ATRNL1: variants seen among roughly 807,000 people sequenced by gnomAD.
The protein encoded by ATRNL1 is attractin like 1.
Under a neutral mutation model 182.7 loss-of-function variants are expected in ATRNL1, and 95 were observed. That is an observed-to-expected ratio of 0.52 (90% CI 0.44 to 0.62). ATRNL1 has a LOEUF of 0.62. Among genes scored for constraint, ATRNL1 ranks in the 20% least tolerant of loss-of-function variants. ATRNL1 has a pLI of 0.00. For missense variants in ATRNL1, 1,471 were observed against 1,679.5 expected (o/e 0.88, Z 2.17); for synonymous variants, 576 against 568.3 (o/e 1.01, Z -0.19).
chr10:115,117,271 G>A (rs781963572), intron 1 of ATRNL1, among the ~76,000 whole-genome samples: 5 of 151,848 alleles, frequency 3.3e-5, no homozygotes, highest in Non-Finnish European at 5.9e-5. Context: ...TCACCCTGTT[G>A]TGCTTTCAAA....
At chr10:115,476,637 C>G (rs1247086373) in intron 24 of ATRNL1, among the ~76,000 whole-genome samples, 2 of 150,932 alleles carry the variant, frequency 1.3e-5, no homozygotes, top group Non-Finnish European at 3.0e-5. Context: ...TCTTTTTTGT[C>G]TTTATTAAAT....
intron 28 of ATRNL1, among the ~76,000 whole-genome samples, chr10:115,936,889 C>G (rs1210144285): frequency 5.3e-5 from 8 of 151,886 alleles, no homozygotes; most frequent in Non-Finnish European, 1.2e-4. Context: ...CATTTGAGTT[C>G]CAAATTTACT....
At position 115,728,155 on chromosome 10, in the gene ATRNL1, C is replaced by T. The variant is rs530695943; in HGVS notation, c.3903+800C>T. Among the ~76,000 whole-genome samples, 122 of 142,752 alleles carry T rather than the reference C, an allele frequency of 8.5e-4. 1 individual carries two copies. The highest frequency in any genetic ancestry group is 2.9e-3 in the African/African-American group (113 of 38,892). 93.7% of individuals were successfully genotyped at this position (142,752 alleles called of 152,430 possible). On this transcript the variant is annotated intron_variant, in intron 27 of 28. Coordinates refer to ENST00000355044, the MANE Select transcript of ATRNL1 (RefSeq NM_207303.4). ...AAAAAAAAAAAAAAAATTAGCCGGG[C>T]GTGGTGGCAGGCACCTGTGGTCCCA...
intron 26 of ATRNL1, among the ~76,000 whole-genome samples, chr10:115,629,021 T>A (rs1592973435): frequency 6.6e-6 from 1 of 152,304 alleles, no homozygotes; most frequent in East Asian, 1.9e-4. Flanking sequence ...CCATTTCTAT[T>A]TAATACCATT....
chr10:115,844,317 A>G (rs1950879667), intron 27 of ATRNL1, among the ~76,000 whole-genome samples: 1 of 152,062 alleles, frequency 6.6e-6, no homozygotes, highest in East Asian at 1.9e-4. Context: ...CTCACTCGCC[A>G]TTGGAGAGGG....
At chr10:115,244,147 C>T (rs551715753) in intron 10 of ATRNL1, among the ~76,000 whole-genome samples, 180 of 152,154 alleles carry the variant, frequency 1.2e-3, no homozygotes, top group African/African-American at 4.1e-3. Context: ...CACTGTGGTA[C>T]ACCAGGACAT....
intron 24 of ATRNL1, among the ~76,000 whole-genome samples, chr10:115,482,571 TGTA>T (rs1848818697): frequency 6.6e-6 from 1 of 151,110 alleles, no homozygotes; most frequent in South Asian, 2.1e-4. Context: ...TAATTAATTA[TGTA>T]GTAATGAATT....
intron 27 of ATRNL1, among the ~76,000 whole-genome samples, chr10:115,810,586 A>T (rs932081447): frequency 2.0e-5 from 3 of 152,062 alleles, no homozygotes; most frequent in African/African-American, 7.2e-5. Context: ...CACCTTTAAC[A>T]TAAAAAAGAA....
chr10:115,651,514 A>G (rs1360312076), intron 26 of ATRNL1, among the ~76,000 whole-genome samples: 3 of 152,148 alleles, frequency 2.0e-5, no homozygotes, highest in Non-Finnish European at 4.4e-5. Context: ...GCTTTCAGCA[A>G]TTTAATCACG....
intron 28 of ATRNL1, among the ~76,000 whole-genome samples, chr10:115,890,946 T>C (rs1952065102): frequency 6.6e-6 from 1 of 152,198 alleles, no homozygotes; most frequent in Admixed American, 6.5e-5. Context: ...AGATGGTACC[T>C]TTTACTGCAG....
intron 26 of ATRNL1, among the ~76,000 whole-genome samples, chr10:115,641,281 A>C (rs539900771): frequency 6.6e-6 from 1 of 152,196 alleles, no homozygotes; most frequent in Non-Finnish European, 1.5e-5. Context: ...TCTAAGTCTG[A>C]TTTCAACTTG....
At chr10:115,512,512 T>C (rs34529817) in intron 24 of ATRNL1, among the ~76,000 whole-genome samples, 29,390 of 151,110 alleles carry the variant, frequency 0.19, 3,017 homozygotes, top group South Asian at 0.25. Flanking sequence ...TATTTATTTA[T>C]ATTTATAAAT....
intron 15 of ATRNL1, among the ~76,000 whole-genome samples, chr10:115,289,660 T>G (rs1476946561): frequency 6.6e-6 from 1 of 152,186 alleles, no homozygotes; most frequent in Non-Finnish European, 1.5e-5. Flanking sequence ...CCTATGCATG[T>G]TCTTGGTGTA....
chr10:115,401,411 C>T (rs1844558409), intron 20 of ATRNL1, among the ~76,000 whole-genome samples: 1 of 151,956 alleles, frequency 6.6e-6, no homozygotes, highest in African/African-American at 2.4e-5. Context: ...AGAAAGAAAC[C>T]CTTGAAACTA....
chr10:115,686,946 T>C (rs1225984915), intron 26 of ATRNL1, among the ~76,000 whole-genome samples: 1 of 152,064 alleles, frequency 6.6e-6, no homozygotes, highest in Non-Finnish European at 1.5e-5. Context: ...GAGATAAGTA[T>C]ACAGCCATGG....
chr10:115,551,407 AGAC>A (rs1177015353), intron 26 of ATRNL1, among the ~76,000 whole-genome samples: 2 of 151,486 alleles, frequency 1.3e-5, no homozygotes, highest in Non-Finnish European at 3.0e-5. Flanking sequence ...AAAGGATAAA[AGAC>A]AAATAGTAGA....
chr10:115,405,357 A>T (rs572434346), intron 20 of ATRNL1, among the ~76,000 whole-genome samples: 1 of 152,308 alleles, frequency 6.6e-6, no homozygotes, highest in South Asian at 2.1e-4. Flanking sequence ...GCTATACACT[A>T]GTATGTCCTT....
intron 26 of ATRNL1, among the ~76,000 whole-genome samples, chr10:115,722,675 T>C (rs971749772): frequency 1.3e-5 from 2 of 152,178 alleles, no homozygotes; most frequent in African/African-American, 4.8e-5. Flanking sequence ...TCATTTTGAG[T>C]GCTCTTTTTA....
chr10:115,557,442 A>C (rs782014765), intron 26 of ATRNL1, among the ~76,000 whole-genome samples: 4 of 152,284 alleles, frequency 2.6e-5, no homozygotes, highest in African/African-American at 9.6e-5. Context: ...GCAGCTACCA[A>C]TGAAGGTGGA....
Sources: allele counts gnomAD v4.1 joint callset (sites outside exome capture counted in the v4.1 genomes callset), GRCh38; gene constraint gnomAD v4.1.1; transcripts MANE v1.5; gene names NCBI Gene and HGNC (gene_info 2026-07-23, HGNC 2026-07-21).